LAMA3: variants seen among roughly 807,000 people sequenced by gnomAD.
LAMA3 encodes the protein laminin subunit alpha-3.
In LAMA3, 281 loss-of-function variants were observed where a neutral mutation model predicts 402.0. The ratio of observed to expected loss-of-function variants is 0.70; its 90% CI spans 0.63 to 0.77. The LOEUF is 0.77. Ranked by LOEUF, LAMA3 falls within the 30% of genes least tolerant of loss-of-function variation. The probability of loss-of-function intolerance (pLI) is 0.00; values close to 1 mark genes in which losing one functional copy is unlikely to be tolerated. For synonymous variants in LAMA3, 1,431 were observed against 1,558.4 expected (o/e 0.92, Z 1.93); for missense variants, 3,840 against 4,215.5 (o/e 0.91, Z 2.47).
At chr18:23,708,787 C>T (rs1034532393) in intron 1 of LAMA3, among the ~76,000 whole-genome samples, 1 of 151,656 alleles carries the variant, frequency 6.6e-6, no homozygotes, top group African/African-American at 2.4e-5. Flanking sequence ...GTCAAGTTCT[C>T]ACCCTGTTGC....
At position 23,690,041 on chromosome 18, in the gene LAMA3, G is replaced by A. The variant is rs567811618; in HGVS notation, c.294+64G>A. 131 of 1,254,046 alleles carry A rather than the reference G, an allele frequency of 1.0e-4. 1 individual carries two copies. The Admixed American group carries it at 2.5e-3, about 24-fold the overall frequency. 77.7% of individuals were successfully genotyped at this position (1,254,046 alleles called of 1,614,324 possible). ...TCCTTCCCGCGCCGGCCAGACACCCGGAGAAGGGATCGGGCCCTTTCCTCA... is the reference window on the plus strand; with the variant it reads ...TCCTTCCCGCGCCGGCCAGACACCCAGAGAAGGGATCGGGCCCTTTCCTCA... On this transcript the variant is annotated intron_variant, in intron 1 of 74. Transcript: ENST00000313654.
At chr18:23,867,027 A>G (rs1000904205) in intron 36 of LAMA3, among the ~76,000 whole-genome samples, 1 of 152,182 alleles carries the variant, frequency 6.6e-6, no homozygotes, top group African/African-American at 2.4e-5. Flanking sequence ...GTGAGCCACC[A>G]TAATGGGGTG....
intron 1 of LAMA3, 129 bp from the exon 2 acceptor site, chr18:23,713,791 G>A (rs952610025): frequency 1.0e-5 from 8 of 774,810 alleles, no homozygotes; most frequent in Non-Finnish European, 1.7e-5. Flanking sequence ...TTTAACAGCT[G>A]ACTTCTCTAA....
intron 67 of LAMA3, among the ~76,000 whole-genome samples, chr18:23,935,669 T>C (rs145939991): frequency 6.6e-6 from 1 of 152,272 alleles, no homozygotes; most frequent in Non-Finnish European, 1.5e-5. Flanking sequence ...AGATAAATAA[T>C]GGTAATACCT....
At chr18:23,699,670 T>C (rs1297713430) in intron 1 of LAMA3, among the ~76,000 whole-genome samples, 2 of 152,202 alleles carry the variant, frequency 1.3e-5, no homozygotes, top group Admixed American at 1.3e-4. Flanking sequence ...CTGGCCCACA[T>C]TGTAAACTTG....
rs186009297 is a variant in LAMA3 at position 23,707,358 on chromosome 18, G to A, written c.295-6562G>A. Among the ~76,000 whole-genome samples, 617 of 152,338 alleles carry A rather than the reference G, an allele frequency of 4.1e-3. 1 individual carries two copies. The highest frequency in any genetic ancestry group is 0.014 in the Middle Eastern group (4 of 292). ...CTTCTTGCCTGCTGGCTTCCAAGAG[G>A]AAGGAAGCAGAATCTTCTAGCCCTT... On this transcript the variant is annotated intron_variant, in intron 1 of 74. Transcript: ENST00000313654.
At chr18:23,866,060 T>A in intron 36 of LAMA3, among the ~76,000 whole-genome samples, 1 of 152,228 alleles carries the variant, frequency 6.6e-6, no homozygotes, top group East Asian at 1.9e-4. Context: ...CTCAAACTCC[T>A]GACCTCAAGT....
rs1006737273 is a variant in LAMA3 at position 23,915,003 on chromosome 18, C to G, written c.7644+143C>G. 1.6e-4 allele frequency: 126 copies of G among 769,144 alleles called. 5 individuals carry two copies. In the South Asian group the frequency reaches 2.0e-3, roughly 12 times the overall value. 47.6% of individuals were successfully genotyped at this position (769,144 alleles called of 1,614,324 possible). ...AGCACATTCTAGAGATACTAGCTAA[C>G]ACTTATTGAGTGCTTCCTCTGTGCA... On this transcript the variant is annotated intron_variant, in intron 58 of 74. Coordinates refer to ENST00000313654, the MANE Select transcript of LAMA3 (RefSeq NM_198129.4).
Position 23,899,357 on chromosome 18 carries a change from A to G in LAMA3, c.5906A>G (p.Glu1969Gly), listed in dbSNP as rs2080987718. ...GTGCCTTCAGGTGACTTTTCCAGAG[A>G]GTGGGCTGAAGCCCAGCGCATGATG... ...NNVPSGDFSR[E>G]WAEAQRMMRE... The change falls in exon 47 of 75, where the codon GAG becomes GGG. Residue 1969 changes from glutamate (E) to glycine (G), a missense_variant. Transcript: ENST00000313654. 6.2e-7 allele frequency: 1 copy of G among 1,614,022 alleles called. No homozygotes were observed. Among genetic ancestry groups the G allele is most frequent in the Non-Finnish European group, 8.5e-7 (1 of 1,179,922 alleles).
At chr18:23,773,947 G>T (rs1471788577) in intron 9 of LAMA3, among the ~76,000 whole-genome samples, 3 of 152,158 alleles carry the variant, frequency 2.0e-5, no homozygotes, top group Non-Finnish European at 4.4e-5. Flanking sequence ...TGGGCTGGAG[G>T]CAGTGGCTCA....
chr18:23,915,577 G>T (rs1273841399), intron 59 of LAMA3, among the ~76,000 whole-genome samples, 155 bp downstream of exon 59: 1 of 152,294 alleles, frequency 6.6e-6, no homozygotes, highest in East Asian at 1.9e-4. Flanking sequence ...TGCAACACTG[G>T]CAGTCCTGCC....
chr18:23,738,930 TG>T (rs2061520196), intron 2 of LAMA3, among the ~76,000 whole-genome samples: 1 of 152,182 alleles, frequency 6.6e-6, no homozygotes, highest in South Asian at 2.1e-4. Context: ...CTTCTAAAGT[TG>T]GAGTTGCATT....
intron 1 of LAMA3, among the ~76,000 whole-genome samples, chr18:23,702,151 G>A (rs755909460): frequency 6.6e-6 from 1 of 152,070 alleles, no homozygotes; most frequent in African/African-American, 2.4e-5. Context: ...GCAAATTCAC[G>A]AGGTGAGGGG....
chr18:23,928,888 T>C (rs756493822), intron 64 of LAMA3, 123 bp downstream of exon 64: 10 of 923,790 alleles, frequency 1.1e-5, no homozygotes, highest in Non-Finnish European at 1.6e-5. Flanking sequence ...ACACAGTAAA[T>C]GCTATTGTAT....
chr18:23,949,809 G>T lies in LAMA3; in HGVS notation c.9396G>T (p.Gln3132His). 6.2e-7 allele frequency: 1 copy of T among 1,614,068 alleles called. No individual in the cohort carries two copies. Among genetic ancestry groups the T allele is most frequent in the South Asian group, 1.1e-5 (1 of 91,068 alleles). ...TTGTGGGATGCCTGAAGAACTTTCAGCTGGATTCAAAACCCTTGTATACCC... is the reference window on the plus strand; with the variant it reads ...TTGTGGGATGCCTGAAGAACTTTCATCTGGATTCAAAACCCTTGTATACCC... ...NSFVGCLKNF[Q>H]LDSKPLYTPS... Residue 3132 changes from glutamine to histidine, a missense_variant, in exon 71 of 75, where the codon CAG (glutamine) becomes CAT (histidine). By Grantham distance (24) the Gln-to-His change is conservative. Transcript: ENST00000313654.
intron 74 of LAMA3, 102 bp from the exon 75 acceptor site, chr18:23,954,401 T>TAAAAAAAAAA: frequency 1.5e-6 from 1 of 678,850 alleles, no homozygotes; most frequent in Non-Finnish European, 2.3e-6. Context: ...GGACCCTGTC[T>TAAAAAAAAAA]AAAAAAAAAA....
rs1236430187 is a variant in LAMA3, at chr18:23,753,723, T to C, written c.858T>C (p.Tyr286=). The change falls in exon 6 of 75, where the codon TAT becomes TAC. Residue 286 remains tyrosine, a splice_region_variant and synonymous_variant. Transcript: ENST00000313654. ...ATGTTCTGTGTTCTGTTGTGCAGTA[T>C]TATTACAGCATAAAGGACATCAGCA... ...AQRDPTVTRR[Y]YYSIKDISIG... 1.9e-6 allele frequency: 3 copies of C among 1,611,070 alleles called. No individual in the cohort carries two copies. In the South Asian group the frequency reaches 3.3e-5, roughly 18 times the overall value.
chr18:23,924,551 T>C (rs1207879907), intron 62 of LAMA3, among the ~76,000 whole-genome samples: 1 of 148,438 alleles, frequency 6.7e-6, no homozygotes, highest in African/African-American at 2.5e-5. Flanking sequence ...TTCTTTTTTT[T>C]TTTTTTTTTT....
At chr18:23,758,557 C>A (rs761908945) in intron 7 of LAMA3, 46 bp downstream of exon 7, 1 of 1,052,294 alleles carries the variant, frequency 9.5e-7, no homozygotes. Flanking sequence ...CTTCTCCCCC[C>A]TCTCCCTGGG....
Sources: gnomAD v4.1 joint callset for allele counts (sites outside exome capture counted in the v4.1 genomes callset) on GRCh38, gnomAD v4.1.1 for gene constraint, MANE v1.5 for transcripts, NCBI Gene and HGNC (gene_info 2026-07-23, HGNC 2026-07-21) for gene names.